Variants in TGFB2 observed in about 807,000 individuals in gnomAD.
TGFB2 encodes the protein transforming growth factor beta 2, also known as transforming growth factor beta-2 proprotein.
Under a neutral mutation model 42.7 loss-of-function variants are expected in TGFB2, and 13 were observed. The observed-to-expected ratio is 0.30, with a 90% CI of 0.20 to 0.48. The LOEUF (loss-of-function observed/expected upper bound fraction) is 0.48. Ranked by LOEUF, TGFB2 falls within the 20% of genes least tolerant of loss-of-function variation. The pLI is 0.99. For synonymous variants in TGFB2, 193 were observed against 193.6 expected (o/e 1.00, Z 0.03); for missense variants, 390 against 517.5 (o/e 0.75, Z 2.39).
At chr1:218,399,101 C>T (rs1178745929) in intron 1 of TGFB2, among the ~76,000 whole-genome samples, 1 of 152,144 alleles carries the variant, frequency 6.6e-6, no homozygotes, top group Non-Finnish European at 1.5e-5. Context: ...GTTGCCCAGG[C>T]TGGTCTCAAA....
intron 1 of TGFB2, among the ~76,000 whole-genome samples, chr1:218,372,713 C>T (rs1364717073): frequency 1.3e-5 from 2 of 152,192 alleles, no homozygotes. Context: ...CTTTGACAGT[C>T]AAGGCTGATG....
intron 2 of TGFB2, among the ~76,000 whole-genome samples, chr1:218,416,717 T>A (rs1423233263): frequency 2.6e-5 from 4 of 152,162 alleles, no homozygotes; most frequent in African/African-American, 7.2e-5. Flanking sequence ...CTTGATATGG[T>A]TTGGCTGTGT....
chr1:218,431,507 T>A (rs1016158676), intron 2 of TGFB2, among the ~76,000 whole-genome samples: 1 of 152,236 alleles, frequency 6.6e-6, no homozygotes, highest in African/African-American at 2.4e-5. Context: ...TATATACATG[T>A]ATATGTATGT....
intron 2 of TGFB2, among the ~76,000 whole-genome samples, chr1:218,413,824 T>C (rs6695493): frequency 0.02 from 2,975 of 152,336 alleles, 109 homozygotes; most frequent in African/African-American, 0.066. Flanking sequence ...TGAAATGTCA[T>C]TTCTAGAGGC....
chr1:218,369,616 A>C (rs1421510362), intron 1 of TGFB2, among the ~76,000 whole-genome samples: 1 of 152,178 alleles, frequency 6.6e-6, no homozygotes, highest in Non-Finnish European at 1.5e-5. Context: ...GTGCTCACGC[A>C]TGTGGAATGG....
intron 1 of TGFB2, among the ~76,000 whole-genome samples, chr1:218,401,911 G>A (rs1425880809): frequency 1.3e-5 from 2 of 152,230 alleles, no homozygotes; most frequent in Admixed American, 6.5e-5. Context: ...CAGGGTCAAA[G>A]ACTGTGCTAG....
At chr1:218,404,397 G>A (rs750384220) in intron 1 of TGFB2, among the ~76,000 whole-genome samples, 2 of 152,290 alleles carry the variant, frequency 1.3e-5, no homozygotes, top group Non-Finnish European at 2.9e-5. Flanking sequence ...AATTACAGGC[G>A]TGACCCACTG....
intron 1 of TGFB2, among the ~76,000 whole-genome samples, chr1:218,373,172 C>A (rs533845618): frequency 2.3e-4 from 35 of 152,166 alleles, no homozygotes; most frequent in African/African-American, 7.9e-4. Flanking sequence ...GAGCAAAGCT[C>A]CGTCTCAAAA....
intron 2 of TGFB2, among the ~76,000 whole-genome samples, chr1:218,419,814 A>G (rs1659395502): frequency 1.3e-5 from 2 of 152,248 alleles, no homozygotes; most frequent in Non-Finnish European, 2.9e-5. Flanking sequence ...GAAGTATTTA[A>G]TATTAATAGA....
At chr1:218,348,279 G>T (rs564309301) in intron 1 of TGFB2, among the ~76,000 whole-genome samples, 1 of 152,182 alleles carries the variant, frequency 6.6e-6, no homozygotes, top group East Asian at 1.9e-4. Context: ...ATACTTGCTG[G>T]CTGCCTTTGC....
chr1:218,438,592 T>A (rs1365784594), intron 6 of TGFB2, among the ~76,000 whole-genome samples: 1 of 152,176 alleles, frequency 6.6e-6, no homozygotes. Flanking sequence ...TTTTTTTTAA[T>A]GTAACACAAA....
intron 2 of TGFB2, among the ~76,000 whole-genome samples, chr1:218,431,199 C>G (rs901615981): frequency 6.6e-6 from 1 of 152,152 alleles, no homozygotes; most frequent in Non-Finnish European, 1.5e-5. Flanking sequence ...ATCCAGAGGA[C>G]CTTTCACCCA....
chr1:218,369,256 GAAAAAAAAAAAAAAAAAAAA>G (rs34825461), intron 1 of TGFB2, among the ~76,000 whole-genome samples: 1,092 of 35,674 alleles, frequency 0.031, 36 homozygotes, highest in African/African-American at 0.096. Context: ...TTCCGTCTCA[GAAAAAAAAAAAAAAAAAAAA>G]AAAAAAAAAA....
At chr1:218,380,105 C>T (rs986497099) in intron 1 of TGFB2, among the ~76,000 whole-genome samples, 5 of 152,126 alleles carry the variant, frequency 3.3e-5, no homozygotes, top group African/African-American at 9.7e-5. Flanking sequence ...AATAACTTGC[C>T]CAAGCTGTGA....
At chr1:218,418,366 G>A (rs1039011568) in intron 2 of TGFB2, among the ~76,000 whole-genome samples, 2 of 152,298 alleles carry the variant, frequency 1.3e-5, no homozygotes, top group African/African-American at 4.8e-5. Flanking sequence ...CAGCCCCTTT[G>A]TTTTGACCAA....
chr1:218,377,274 GA>G (rs1657774463), intron 1 of TGFB2, among the ~76,000 whole-genome samples: 1 of 152,150 alleles, frequency 6.6e-6, no homozygotes, highest in Non-Finnish European at 1.5e-5. Context: ...AAGTGAAAGG[GA>G]AATAGAAAAA....
intron 2 of TGFB2, among the ~76,000 whole-genome samples, chr1:218,424,992 C>T (rs1046658210): frequency 6.6e-6 from 1 of 152,058 alleles, no homozygotes; most frequent in East Asian, 1.9e-4. Flanking sequence ...TGAACTTTTG[C>T]CTTAAAGGGA....
At chr1:218,414,006 C>A (rs911509969) in intron 2 of TGFB2, among the ~76,000 whole-genome samples, 8 of 152,142 alleles carry the variant, frequency 5.3e-5, no homozygotes, top group Non-Finnish European at 1.2e-4. Context: ...GAATCATCAG[C>A]TACCTTTACT....
At chr1:218,432,384 G>T (rs963083572) in intron 2 of TGFB2, among the ~76,000 whole-genome samples, 21 of 152,124 alleles carry the variant, frequency 1.4e-4, no homozygotes, top group African/African-American at 5.1e-4. Flanking sequence ...TGGAGGTTTT[G>T]GACCACAGGG....
Sources: gnomAD v4.1 joint callset for allele counts (sites outside exome capture counted in the v4.1 genomes callset) on GRCh38, gnomAD v4.1.1 for gene constraint, MANE v1.5 for transcripts, NCBI Gene and HGNC (gene_info 2026-07-23, HGNC 2026-07-21) for gene names.